Variants in RBFOX1 observed in about 807,000 individuals in gnomAD.
The protein encoded by RBFOX1 is RNA binding protein fox-1 homolog 1.
A neutral mutation model predicts 57.7 loss-of-function variants in RBFOX1; 8 were observed. The observed-to-expected ratio is 0.14, with a 90% CI of 0.08 to 0.25. The LOEUF is 0.25. Among genes scored for constraint, RBFOX1 ranks in the 10% least tolerant of loss-of-function variants. The probability of loss-of-function intolerance (pLI) is 1.00; values close to 1 mark genes in which losing one functional copy is unlikely to be tolerated. For synonymous variants in RBFOX1, 326 were observed against 222.4 expected (o/e 1.47, Z -4.15); for missense variants, 611 against 548.5 (o/e 1.11, Z -1.14).
chr16:6,450,873 A>C (rs74007356), intron 2 of RBFOX1, among the ~76,000 whole-genome samples: 5 of 48,218 alleles, frequency 1.0e-4, no homozygotes, highest in Non-Finnish European at 2.0e-4. Context: ...ATATATATAT[A>C]TCTCCTCTGA....
chr16:5,350,136 C>T (rs755626792), intron 1 of RBFOX1, among the ~76,000 whole-genome samples: 32 of 152,100 alleles, frequency 2.1e-4, no homozygotes, highest in African/African-American at 7.0e-4. Flanking sequence ...GTTTCGGTTC[C>T]CTGCATGTGC....
rs537531661 is a variant in RBFOX1, at chr16:5,307,576, A to T, written c.219+67471A>T. On this transcript the variant is annotated intron_variant, in intron 1 of 2. Transcript: ENST00000585867. The stretch of plus-strand genomic sequence containing the variant: ...TGCTTTATTCCAGACATTTTGATGC[A>T]GTCACCAACACATACCTGATCTCAC... 3.9e-5 allele frequency among the ~76,000 whole-genome samples: 6 copies of T among 152,320 alleles called. No homozygotes were observed. In the South Asian group the frequency reaches 1.2e-3, roughly 32 times the overall value.
At chr16:5,648,350 A>G (rs2049116712) in intron 3 of RBFOX1, among the ~76,000 whole-genome samples, 1 of 152,246 alleles carries the variant, frequency 6.6e-6, no homozygotes, top group East Asian at 1.9e-4. Context: ...AAGAGAATGC[A>G]TGCGAGTGTG....
intron 4 of RBFOX1, among the ~76,000 whole-genome samples, chr16:7,380,314 A>T (rs78573830): frequency 0.014 from 2,176 of 152,224 alleles, 47 homozygotes; most frequent in African/African-American, 0.048. Flanking sequence ...TTCCTCCCCC[A>T]TCATTTAATA....
chr16:7,022,019 C>CCCCCTCTTCCT, intron 3 of RBFOX1, among the ~76,000 whole-genome samples: 1 of 7,764 alleles, frequency 1.3e-4, no homozygotes, highest in Non-Finnish European at 1.9e-4. Context: ...CCCTTCCCTT[C>CCCCCTCTTCCT]CCCCTCCCCT....
At chr16:7,502,299 G>C (rs914265845) in intron 4 of RBFOX1, among the ~76,000 whole-genome samples, 3 of 152,240 alleles carry the variant, frequency 2.0e-5, no homozygotes, top group African/African-American at 7.2e-5. Context: ...AACCATTAAA[G>C]ATACATGGAC....
intron 3 of RBFOX1, among the ~76,000 whole-genome samples, chr16:6,997,396 A>G (rs919040395): frequency 6.6e-6 from 1 of 152,300 alleles, no homozygotes; most frequent in Non-Finnish European, 1.5e-5. Context: ...AAATATGTTG[A>G]ATTTCCAAGA....
chr16:5,748,837 G>C (rs1462547049), intron 3 of RBFOX1, among the ~76,000 whole-genome samples: 3 of 152,142 alleles, frequency 2.0e-5, no homozygotes, highest in Non-Finnish European at 4.4e-5. Flanking sequence ...TTGCCAGTCT[G>C]TGTCTTTTAA....
intron 1 of RBFOX1, among the ~76,000 whole-genome samples, chr16:6,203,969 C>T (rs1483016824): frequency 2.1e-5 from 3 of 144,446 alleles, no homozygotes; most frequent in Non-Finnish European, 4.5e-5. Context: ...TCTGCCAGTT[C>T]TGTTTTGTTT....
chr16:5,982,634 C>A (rs1380229164), intron 4 of RBFOX1, among the ~76,000 whole-genome samples: 1 of 152,148 alleles, frequency 6.6e-6, no homozygotes, highest in Non-Finnish European at 1.5e-5. Context: ...ATGGCTCTAT[C>A]CATTTTCTTC....
chr16:7,467,690 G>C (rs1056947028), intron 4 of RBFOX1, among the ~76,000 whole-genome samples: 6 of 152,232 alleles, frequency 3.9e-5, no homozygotes, highest in Non-Finnish European at 7.3e-5. Context: ...CTACAGAAAA[G>C]TGGGGATATA....
At chr16:5,978,627 T>C (rs2060113609) in intron 4 of RBFOX1, among the ~76,000 whole-genome samples, 2 of 152,096 alleles carry the variant, frequency 1.3e-5, no homozygotes, top group African/African-American at 2.4e-5. Context: ...ATCTCCTCTG[T>C]TATGTGAAAA....
At chr16:6,008,787 C>G (rs1225833663) in intron 4 of RBFOX1, among the ~76,000 whole-genome samples, 2 of 152,228 alleles carry the variant, frequency 1.3e-5, no homozygotes, top group African/African-American at 4.8e-5. Context: ...CTGTGCTGTT[C>G]TGTGTTCTCC....
intron 4 of RBFOX1, among the ~76,000 whole-genome samples, chr16:5,881,683 A>T (rs28438473): frequency 6.6e-6 from 1 of 151,852 alleles, no homozygotes; most frequent in Admixed American, 6.6e-5. Flanking sequence ...CCATCTCAAA[A>T]AAAAAGTTTT....
At chr16:6,039,596 G>A (rs1033639210) in intron 1 of RBFOX1, among the ~76,000 whole-genome samples, 1 of 152,108 alleles carries the variant, frequency 6.6e-6, no homozygotes, top group African/African-American at 2.4e-5. Context: ...GCCAGCTTCT[G>A]CAACAGTGAT....
intron 1 of RBFOX1, among the ~76,000 whole-genome samples, chr16:6,262,039 A>C (rs909282950): frequency 3.3e-5 from 5 of 152,008 alleles, no homozygotes; most frequent in Admixed American, 1.3e-4. Context: ...AGAAAAACAA[A>C]AAAAAAAGAA....
At chr16:6,884,846 C>A (rs1438628439) in intron 3 of RBFOX1, among the ~76,000 whole-genome samples, 2 of 152,106 alleles carry the variant, frequency 1.3e-5, no homozygotes, top group Non-Finnish European at 2.9e-5. Flanking sequence ...GGCAGTCAGC[C>A]CAGAGTGCTC....
chr16:6,706,691 C>T (rs2062801492), intron 3 of RBFOX1, among the ~76,000 whole-genome samples: 1 of 145,798 alleles, frequency 6.9e-6, no homozygotes, highest in African/African-American at 2.5e-5. Flanking sequence ...CTGAGTTGTT[C>T]TAATGGCTAC....
chr16:7,640,085 G>T (rs949626298), intron 11 of RBFOX1, among the ~76,000 whole-genome samples: 1 of 152,150 alleles, frequency 6.6e-6, no homozygotes, highest in Non-Finnish European at 1.5e-5. Flanking sequence ...TATTAACTTA[G>T]TTATTCCACC....
Sources: gnomAD v4.1 joint callset for allele counts (sites outside exome capture counted in the v4.1 genomes callset) on GRCh38, gnomAD v4.1.1 for gene constraint, MANE v1.5 for transcripts, NCBI Gene and HGNC (gene_info 2026-07-23, HGNC 2026-07-21) for gene names.